The following MPDZ variants were observed in gnomAD, a reference collection of about 807,000 sequenced individuals.
MPDZ encodes multiple PDZ domain crumbs cell polarity complex component.
In MPDZ, 234 loss-of-function variants were observed where a neutral mutation model predicts 239.1. The observed-to-expected ratio is 0.98, with a 90% confidence interval of 0.88 to 1.09. MPDZ has a LOEUF of 1.09. Ranked by LOEUF, MPDZ falls within the 50% of genes least tolerant of loss-of-function variation. MPDZ has a pLI of 0.00. For missense variants in MPDZ, 3,175 were observed against 2,510.0 expected (o/e 1.26, Z -5.66); for synonymous variants, 1,048 against 881.3 (o/e 1.19, Z -3.35).
At chr9:13,267,238 T>C (rs748761957) in intron 1 of MPDZ, among the ~76,000 whole-genome samples, 1 of 152,226 alleles carries the variant, frequency 6.6e-6, no homozygotes, top group Admixed American at 6.5e-5. Context: ...GGCAATGAAA[T>C]TGGCGTCAGT....
chr9:13,129,810 C>T lies in MPDZ; in HGVS notation c.4465-3038G>A, dbSNP rs1433553713. Among the ~76,000 whole-genome samples, 3 of 152,022 alleles carry T rather than the reference C, an allele frequency of 2.0e-5. No individual in the cohort carries two copies. The South Asian group carries it at 6.2e-4, about 32-fold the overall frequency. On this transcript the variant is annotated intron_variant, in intron 32 of 46. Transcript: ENST00000319217. ...GGTCTTGAATTCCCACCTCAGCCTC[C>T]CAAATAGCTGGGACTACAGGCATGT...
At chr9:13,120,635 A>C (rs1944207602) in intron 38 of MPDZ, 1 of 152,342 alleles carries the variant, frequency 6.6e-6, no homozygotes, top group African/African-American at 2.4e-5. Flanking sequence ...GTTTAAAAAT[A>C]ATTAGCCTTT....
chr9:13,168,625 T>G, intron 21 of MPDZ, 61 bp from the exon 22 acceptor site: 1 of 1,195,158 alleles, frequency 8.4e-7, no homozygotes, highest in Non-Finnish European at 1.2e-6. Context: ...CATTTTAATT[T>G]GAATTTAATA....
At chr9:13,250,243 T>C in intron 2 of MPDZ, 57 bp downstream of exon 2, 1 of 1,521,692 alleles carries the variant, frequency 6.6e-7, no homozygotes, top group Non-Finnish European at 9.0e-7. Flanking sequence ...ATGTCAAAAA[T>C]CCCAATGGGA....
intron 10 of MPDZ, among the ~76,000 whole-genome samples, chr9:13,215,605 T>C (rs566012182): frequency 6.6e-6 from 1 of 151,754 alleles, no homozygotes; most frequent in South Asian, 2.1e-4. Flanking sequence ...AACTTAAGCA[T>C]AAACAAATAC....
chr9:13,141,042 T>C (rs955752293), intron 27 of MPDZ: 4 of 145,852 alleles, frequency 2.7e-5, no homozygotes, highest in Admixed American at 2.1e-4. Context: ...GACTCCTTAA[T>C]AGAAAGCCAA....
chr9:13,203,583 A>G (rs931922035), intron 12 of MPDZ, among the ~76,000 whole-genome samples: 2 of 152,106 alleles, frequency 1.3e-5, no homozygotes, highest in African/African-American at 4.8e-5. Flanking sequence ...ATATCTGTGG[A>G]AGAGGCAATA....
intron 3 of MPDZ, among the ~76,000 whole-genome samples, chr9:13,241,330 G>A (rs543245072): frequency 2.9e-4 from 44 of 152,254 alleles, no homozygotes; most frequent in African/African-American, 1.0e-3. Context: ...TCAGGTGTAA[G>A]AAAGATCATT....
At chr9:13,193,949 C>T (rs1955290857) in intron 13 of MPDZ, among the ~76,000 whole-genome samples, 1 of 151,996 alleles carries the variant, frequency 6.6e-6, no homozygotes, top group Non-Finnish European at 1.5e-5. Context: ...TTAAAAAGAG[C>T]TCTTTCAAAT....
chr9:13,233,503 G>A (rs1167276062), intron 3 of MPDZ, among the ~76,000 whole-genome samples: 1 of 151,992 alleles, frequency 6.6e-6, no homozygotes, highest in Non-Finnish European at 1.5e-5. Flanking sequence ...CTAAAGGGGA[G>A]GATTAGGACT....
At chr9:13,204,170 G>C (rs1956732257) in intron 12 of MPDZ, among the ~76,000 whole-genome samples, 1 of 152,178 alleles carries the variant, frequency 6.6e-6, no homozygotes, top group Non-Finnish European at 1.5e-5. Context: ...AGGGAGATCA[G>C]TCTTGTATTC....
At chr9:13,211,431 A>G (rs1957606662) in intron 10 of MPDZ, among the ~76,000 whole-genome samples, 1 of 152,170 alleles carries the variant, frequency 6.6e-6, no homozygotes, top group Admixed American at 6.6e-5. Flanking sequence ...AAGTTTAGAA[A>G]GTCCGCTAAA....
At chr9:13,150,412 T>G in intron 25 of MPDZ, 99 bp downstream of exon 25, 2 of 942,178 alleles carry the variant, frequency 2.1e-6, no homozygotes, top group Non-Finnish European at 2.8e-6. Context: ...TTTTAGCACA[T>G]GTACCCTAAA....
chr9:13,279,281 G>A (rs1480814405), intron 1 of MPDZ, 119 bp downstream of exon 1: 1,329 of 44,842 alleles, frequency 0.03, 57 homozygotes, highest in African/African-American at 0.071. Context: ...CCCCATCCCC[G>A]CCCCCACCCC....
At chr9:13,197,828 A>G (rs1257216399) in intron 12 of MPDZ, among the ~76,000 whole-genome samples, 2 of 152,022 alleles carry the variant, frequency 1.3e-5, no homozygotes, top group South Asian at 2.1e-4. Flanking sequence ...GCGCCCACTT[A>G]TAAGTGAGAT....
intron 25 of MPDZ, among the ~76,000 whole-genome samples, chr9:13,149,207 A>G (rs1439595469): frequency 6.6e-6 from 1 of 151,974 alleles, no homozygotes. Flanking sequence ...AAAAAAGGAC[A>G]TGGTCCCTGT....
chr9:13,182,304 C>A (rs185470515), intron 19 of MPDZ, among the ~76,000 whole-genome samples: 2 of 151,970 alleles, frequency 1.3e-5, no homozygotes, highest in Admixed American at 1.3e-4. Flanking sequence ...AAAATATATT[C>A]ATATATGAAC....
At chr9:13,278,347 G>T (rs1474225414) in intron 1 of MPDZ, among the ~76,000 whole-genome samples, 1 of 152,052 alleles carries the variant, frequency 6.6e-6, no homozygotes, top group Non-Finnish European at 1.5e-5. Flanking sequence ...CTCAAAAGCC[G>T]CACCGCGCAG....
chr9:13,164,520 A>T (rs928162895), intron 22 of MPDZ, among the ~76,000 whole-genome samples: 1 of 152,158 alleles, frequency 6.6e-6, no homozygotes, highest in African/African-American at 2.4e-5. Context: ...GGAAAAGGTC[A>T]GGGAAGAAAG....
Sources: allele counts gnomAD v4.1 joint callset (sites outside exome capture counted in the v4.1 genomes callset), GRCh38; gene constraint gnomAD v4.1.1; transcripts MANE v1.5; gene names NCBI Gene and HGNC (gene_info 2026-07-23, HGNC 2026-07-21).